The following FTCDNL1 variants were observed in gnomAD, a reference collection of about 807,000 sequenced individuals.
The protein encoded by FTCDNL1 is formiminotransferase N-terminal subdomain-containing protein.
FTCDNL1 carries 11 observed loss-of-function variants against 5.9 expected under a neutral mutation model. That is an observed-to-expected ratio of 1.87 (90% CI 1.18 to 3.10). FTCDNL1 has a LOEUF of 3.10. FTCDNL1 is among the 30% of genes most tolerant of loss of function. The probability of loss-of-function intolerance (pLI) is 0.00; values close to 1 mark genes in which losing one functional copy is unlikely to be tolerated. For missense variants in FTCDNL1, 115 were observed against 65.5 expected, an observed-to-expected ratio of 1.76 and a Z score of -2.61; for synonymous variants, 58 against 24.8, an observed-to-expected ratio of 2.34 and a Z score of -3.99.
chr2:199,814,637 CAA>C (rs1422133703), intron 4 of FTCDNL1, among the ~76,000 whole-genome samples: 2 of 152,212 alleles, frequency 1.3e-5, no homozygotes, highest in African/African-American at 2.4e-5. Context: ...TGAGTTCAGG[CAA>C]AGTCTTAAGT....
chr2:199,832,725 T>C (rs1287610887), intron 3 of FTCDNL1, among the ~76,000 whole-genome samples: 1 of 152,120 alleles, frequency 6.6e-6, no homozygotes, highest in East Asian at 1.9e-4. Context: ...CCAACTGCTC[T>C]GTACCCCCTC....
chr2:199,747,304 C>T, the FTCDNL1 span, among the ~76,000 whole-genome samples: 10 of 152,138 alleles, frequency 6.6e-5, no homozygotes, highest in African/African-American at 2.4e-4. Flanking sequence ...CACCCCAGGT[C>T]AGATCGCATT....
At chr2:199,827,232 C>T (rs1702090133) in intron 3 of FTCDNL1, among the ~76,000 whole-genome samples, 1 of 152,142 alleles carries the variant, frequency 6.6e-6, no homozygotes, top group South Asian at 2.1e-4. Context: ...AATTAAATGA[C>T]ACCATAAGGA....
At chr2:199,753,575 A>G in the FTCDNL1 span, among the ~76,000 whole-genome samples, 4 of 152,360 alleles carry the variant, frequency 2.6e-5, no homozygotes, top group East Asian at 1.9e-4. Flanking sequence ...GGGGAGCCCA[A>G]TGTGATGGAA....
intron 4 of FTCDNL1, chr2:199,818,513 C>T (rs1414917082): frequency 4.0e-5 from 6 of 151,826 alleles, no homozygotes; most frequent in Admixed American, 6.6e-5. Flanking sequence ...ATACGGGAAC[C>T]AAAGCATAAT....
At chr2:199,685,355 A>C in the FTCDNL1 span, among the ~76,000 whole-genome samples, 1 of 152,170 alleles carries the variant, frequency 6.6e-6, no homozygotes, top group Non-Finnish European at 1.5e-5. Context: ...CTTAGAGTGG[A>C]TAAAAGTGCC....
the FTCDNL1 span, among the ~76,000 whole-genome samples, chr2:199,669,084 G>A: frequency 1.6e-3 from 238 of 152,146 alleles, no homozygotes; most frequent in African/African-American, 5.4e-3. Flanking sequence ...CGCGGGTTTG[G>A]GGAATGCTGA....
intron 1 of FTCDNL1, among the ~76,000 whole-genome samples, chr2:199,850,300 G>A (rs1201644674): frequency 6.6e-6 from 1 of 152,150 alleles, no homozygotes; most frequent in Non-Finnish European, 1.5e-5. Flanking sequence ...GGGTGTGGGC[G>A]TCTTCTGGTT....
At chr2:199,711,209 A>G in the FTCDNL1 span, among the ~76,000 whole-genome samples, 1 of 152,064 alleles carries the variant, frequency 6.6e-6, no homozygotes, top group Non-Finnish European at 1.5e-5. Context: ...CAGGAAGAGT[A>G]CAGTCAGGTG....
the FTCDNL1 span, among the ~76,000 whole-genome samples, chr2:199,708,943 A>G: frequency 2.6e-5 from 4 of 152,062 alleles, no homozygotes; most frequent in African/African-American, 7.2e-5. Flanking sequence ...GATACCCTGA[A>G]CACTGGTTTC....
chr2:199,702,870 G>A, the FTCDNL1 span, among the ~76,000 whole-genome samples: 2 of 152,132 alleles, frequency 1.3e-5, no homozygotes, highest in East Asian at 3.9e-4. Flanking sequence ...ATCAGCCATC[G>A]AAGAAATAGC....
At chr2:199,731,466 T>A in the FTCDNL1 span, among the ~76,000 whole-genome samples, 1 of 152,164 alleles carries the variant, frequency 6.6e-6, no homozygotes, top group Non-Finnish European at 1.5e-5. Context: ...TTAGGAACAA[T>A]GTAATTAGAC....
intron 3 of FTCDNL1, among the ~76,000 whole-genome samples, chr2:199,844,683 C>G (rs1358980561): frequency 6.6e-6 from 1 of 152,084 alleles, no homozygotes; most frequent in Non-Finnish European, 1.5e-5. Context: ...AAAATCTAAC[C>G]TTTCCCCTCA....
rs147699617 is a variant in FTCDNL1 at position 199,801,766 on chromosome 2, G to A, written c.212-40931C>T. Among the ~76,000 whole-genome samples the A allele has an allele frequency of 5.1e-4, 78 of 152,012 alleles. 1 individual carries two copies. In the East Asian group the frequency reaches 0.013, roughly 26 times the overall value. On this transcript the variant is annotated intron_variant, in intron 3 of 3. Transcript: ENST00000416668. ...GAGACTGAGACCACCGTGAAACCCC[G>A]TCTGTATTAAAAATACAAAAAATTA... is the stretch of plus-strand genomic sequence containing the variant.
At chr2:199,800,003 A>C (rs1485539521) in intron 3 of FTCDNL1, among the ~76,000 whole-genome samples, 1 of 152,188 alleles carries the variant, frequency 6.6e-6, no homozygotes, top group Non-Finnish European at 1.5e-5. Context: ...GTTACAGGAT[A>C]ATCACTTTTA....
chr2:199,674,466 C>G, the FTCDNL1 span, among the ~76,000 whole-genome samples: 1 of 152,078 alleles, frequency 6.6e-6, no homozygotes, highest in African/African-American at 2.4e-5. Flanking sequence ...CCTGGATTAC[C>G]CAGCACACTA....
the FTCDNL1 span, among the ~76,000 whole-genome samples, chr2:199,721,825 G>A: frequency 6.6e-6 from 1 of 152,170 alleles, no homozygotes; most frequent in African/African-American, 2.4e-5. Flanking sequence ...ATTCTGACTG[G>A]TGTGAGATGG....
chr2:199,697,657 T>C, the FTCDNL1 span, among the ~76,000 whole-genome samples: 2 of 152,162 alleles, frequency 1.3e-5, no homozygotes, highest in African/African-American at 4.8e-5. Context: ...AAAAGACTGT[T>C]ACCAACCACC....
At chr2:199,762,141 G>A (rs916960300) in intron 3 of FTCDNL1, among the ~76,000 whole-genome samples, 10 of 152,204 alleles carry the variant, frequency 6.6e-5, no homozygotes, top group Non-Finnish European at 7.3e-5. Context: ...AGCACTTTGG[G>A]AGGCCGAGGT....
Sources: gnomAD v4.1 joint callset for allele counts (sites outside exome capture counted in the v4.1 genomes callset) on GRCh38, gnomAD v4.1.1 for gene constraint, MANE v1.5 for transcripts, NCBI Gene and HGNC (gene_info 2026-07-23, HGNC 2026-07-21) for gene names.